The following MAGI2 variants were observed in gnomAD, a reference collection of about 807,000 sequenced individuals.
The protein encoded by MAGI2 is membrane associated guanylate kinase, WW and PDZ domain containing 2.
A neutral mutation model predicts 133.3 loss-of-function variants in MAGI2; 35 were observed. The observed-to-expected ratio is 0.26, with a 90% CI of 0.20 to 0.35. The LOEUF (loss-of-function observed/expected upper bound fraction) is 0.35, where lower values mean the gene tolerates loss of function less well. MAGI2 is among the 10% of genes least tolerant of loss of function. The pLI is 1.00. For missense variants in MAGI2, 1,636 were observed against 1,863.4 expected (o/e 0.88, Z 2.25); for synonymous variants, 729 against 710.6 (o/e 1.03, Z -0.41).
At chr7:78,499,583 A>G (rs1794435800) in intron 5 of MAGI2, among the ~76,000 whole-genome samples, 1 of 152,182 alleles carries the variant, frequency 6.6e-6, no homozygotes, top group African/African-American at 2.4e-5. Flanking sequence ...TTTTGAAGTT[A>G]TTTTTCTTCA....
At chr7:78,644,721 C>T (rs368229007) in intron 2 of MAGI2, among the ~76,000 whole-genome samples, 39 of 151,824 alleles carry the variant, frequency 2.6e-4, no homozygotes, top group African/African-American at 7.5e-4. Flanking sequence ...TCAATGACCT[C>T]GGAAACTGGT....
At chr7:78,252,218 T>C (rs1792469395) in intron 10 of MAGI2, 1 of 151,792 alleles carries the variant, frequency 6.6e-6, no homozygotes, top group Admixed American at 6.6e-5. Context: ...AGCCACATTA[T>C]TTTGAAAAAG....
chr7:78,091,036 ATGTGTATGTG>A (rs1190318371), intron 20 of MAGI2, among the ~76,000 whole-genome samples: 5 of 128,384 alleles, frequency 3.9e-5, no homozygotes, highest in Non-Finnish European at 7.0e-5. Context: ...GTAGTGACTG[ATGTGTATGTG>A]TGTGTATGTG....
At chr7:79,411,829 G>A (rs1321951484) in intron 1 of MAGI2, 3 of 151,114 alleles carry the variant, frequency 2.0e-5, no homozygotes, top group African/African-American at 7.3e-5. Flanking sequence ...ATACATAAAT[G>A]GTGTATAAAT....
chr7:78,550,837 G>A (rs1271252894), intron 3 of MAGI2, among the ~76,000 whole-genome samples: 2 of 151,694 alleles, frequency 1.3e-5, no homozygotes, highest in Non-Finnish European at 1.5e-5. Flanking sequence ...ATAGAGACAA[G>A]TTAATGGTTT....
At position 78,638,089 on chromosome 7, in the gene MAGI2, G is replaced by GA. The variant is rs1227079276; in HGVS notation, c.419-10851dup. Among the ~76,000 whole-genome samples, 1,410 of 143,918 alleles carry GA rather than the reference G, an allele frequency of 9.8e-3. 26 individuals are homozygous for GA. Among genetic ancestry groups the GA allele is most frequent in the African/African-American group, 0.033 (1,297 of 39,324 alleles). 94.4% of individuals were successfully genotyped at this position (143,918 alleles called of 152,430 possible). A position where few individuals can be genotyped will look rare whatever the true frequency, so the allele number is the denominator to read the frequency against. On this transcript the variant is annotated intron_variant, in intron 2 of 21. Coordinates refer to ENST00000354212, the MANE Select transcript of MAGI2 (RefSeq NM_012301.4). ...AGAAAAAAATAAAAAGAAAAGAAAA[G>GA]AAAAAAAAAAGAAAGCTGAACTCAT...
intron 10 of MAGI2, among the ~76,000 whole-genome samples, chr7:78,243,259 ACACACACACACTCTCTCT>A (rs1191124342): frequency 1.7e-4 from 13 of 78,470 alleles, no homozygotes; most frequent in African/African-American, 5.9e-4. Context: ...ACACACACAC[ACACACACACACTCTCTCT>A]CTCTCTCTCT....
intron 1 of MAGI2, among the ~76,000 whole-genome samples, chr7:79,250,455 C>T (rs563619934): frequency 3.3e-5 from 5 of 150,914 alleles, no homozygotes; most frequent in South Asian, 4.2e-4. Context: ...ATAACAAAAG[C>T]GAACAATCTG....
At chr7:79,002,498 T>C (rs1043248572) in intron 2 of MAGI2, among the ~76,000 whole-genome samples, 18 of 152,080 alleles carry the variant, frequency 1.2e-4, no homozygotes, top group African/African-American at 4.3e-4. Flanking sequence ...TCTCACTCAT[T>C]ATGTGCCCAA....
chr7:79,349,360 T>A (rs1419231973), intron 1 of MAGI2, among the ~76,000 whole-genome samples: 2 of 151,998 alleles, frequency 1.3e-5, no homozygotes, highest in Admixed American at 6.6e-5. Flanking sequence ...GCTATTTCTA[T>A]CTTGCTTTGT....
intron 10 of MAGI2, among the ~76,000 whole-genome samples, chr7:78,244,258 A>T (rs1469660048): frequency 6.9e-6 from 1 of 145,950 alleles, no homozygotes; most frequent in Non-Finnish European, 1.6e-5. Context: ...AAAATGGAGA[A>T]TATTTGATTT....
At chr7:78,324,594 C>G (rs182151101) in intron 9 of MAGI2, among the ~76,000 whole-genome samples, 7 of 152,216 alleles carry the variant, frequency 4.6e-5, no homozygotes, top group Admixed American at 1.3e-4. Flanking sequence ...TCAATAAACT[C>G]TCAGTGAATG....
At position 78,301,232 on chromosome 7, in the gene MAGI2, G is replaced by C. The variant is rs182538156; in HGVS notation, c.1408+42546C>G. ...GATGCCAGACATAAAAGCACTACAT[G>C]AGAAAAATCTGGAGCTAGTGACCCG... On this transcript the variant is annotated intron_variant, in intron 9 of 21. Coordinates refer to ENST00000354212, the MANE Select transcript of MAGI2 (RefSeq NM_012301.4). Among the ~76,000 whole-genome samples the C allele has an allele frequency of 4.2e-4, 64 of 152,236 alleles. No homozygotes were observed. In the East Asian group the frequency reaches 0.011, roughly 26 times the overall value.
Position 79,453,243 on chromosome 7 carries a change from G to T in MAGI2, c.78C>A (p.Gly26=). The T allele has an allele frequency of 1.2e-6, 2 of 1,613,848 alleles. No homozygotes were observed. Among genetic ancestry groups the T allele is most frequent in the Non-Finnish European group, 1.7e-6 (2 of 1,180,040 alleles). ...HESVIGRNPE[G]QLGFELKGGA... The stretch of plus-strand genomic sequence containing the variant: ...CCCCCTTCAGTTCAAAGCCCAGCTG[G>T]CCCTCCGGGTTCCTGCCAATGACAC... Residue 26 remains glycine, a synonymous_variant, in exon 1 of 22, where the codon GGC becomes GGA. Coordinates refer to ENST00000354212, the MANE Select transcript of MAGI2 (RefSeq NM_012301.4).
intron 1 of MAGI2, chr7:79,411,084 C>T (rs68016561): frequency 0.15 from 22,941 of 151,994 alleles, 1,923 homozygotes; most frequent in East Asian, 0.29. Flanking sequence ...ATATTGCATT[C>T]GGCCCACTAA....
intron 1 of MAGI2, among the ~76,000 whole-genome samples, chr7:79,022,875 G>A (rs1809484921): frequency 6.6e-6 from 1 of 152,040 alleles, no homozygotes; most frequent in African/African-American, 2.4e-5. Flanking sequence ...CTATGAACCA[G>A]AACAAGCTCA....
intron 2 of MAGI2, among the ~76,000 whole-genome samples, chr7:78,876,078 C>A (rs478961): frequency 6.6e-6 from 1 of 151,718 alleles, no homozygotes; most frequent in Non-Finnish European, 1.5e-5. Flanking sequence ...ATTCCAGCAC[C>A]TTGGGAGGCC....
intron 2 of MAGI2, among the ~76,000 whole-genome samples, chr7:78,738,922 T>C (rs1038612315): frequency 6.6e-6 from 1 of 152,194 alleles, no homozygotes. Flanking sequence ...CTCATTAAAA[T>C]ACTTACTGCA....
At position 78,119,981 on chromosome 7, in the gene MAGI2, T is replaced by C. The variant is rs1033271187; in HGVS notation, c.3567+5713A>G. On this transcript the variant is annotated intron_variant, in intron 20 of 21. Transcript: ENST00000354212. ...AAGCTATAAAACTTTAAGCACTTTA[T>C]GGAAAATCTACATAAATGGATTACA... is the stretch of plus-strand genomic sequence containing the variant. Among the ~76,000 whole-genome samples, 18 of 152,244 alleles carry C rather than the reference T, an allele frequency of 1.2e-4. 1 individual carries two copies. The highest frequency in any genetic ancestry group is 6.3e-3 in the Middle Eastern group (2 of 316).
Sources: gnomAD v4.1 joint callset for allele counts (sites outside exome capture counted in the v4.1 genomes callset) on GRCh38, gnomAD v4.1.1 for gene constraint, MANE v1.5 for transcripts, NCBI Gene and HGNC (gene_info 2026-07-23, HGNC 2026-07-21) for gene names.